DMD: variants seen among roughly 807,000 people sequenced by gnomAD.
DMD encodes the protein dystrophin.
A neutral mutation model predicts 330.1 loss-of-function variants in DMD; 63 were observed. The observed-to-expected ratio is 0.19, with a 90% confidence interval of 0.16 to 0.24. The LOEUF is 0.24. Among genes scored for constraint, DMD ranks in the 10% least tolerant of loss-of-function variants. DMD has a pLI of 1.00. For missense variants in DMD, 3,344 were observed against 2,684.1 expected (o/e 1.25, Z -5.43); for synonymous variants, 1,223 against 959.8 (o/e 1.27, Z -5.07).
intron 47 of DMD, among the ~76,000 whole-genome samples, chrX:31,915,716 G>C (rs1442304431): frequency 5.4e-5 from 6 of 111,799 alleles, no homozygotes; most frequent in Non-Finnish European, 1.1e-4. Context: ...TGACCCTCTA[G>C]ACTATTGGCT....
intron 60 of DMD, among the ~76,000 whole-genome samples, chrX:31,362,988 T>C (rs1260224742): frequency 9.0e-6 from 1 of 111,328 alleles, no homozygotes; most frequent in East Asian, 2.8e-4. Flanking sequence ...AACAACAGAG[T>C]AAACTTCCAG....
chrX:31,481,730 C>T (rs183602037), intron 57 of DMD, among the ~76,000 whole-genome samples: 4 of 111,833 alleles, frequency 3.6e-5, no homozygotes, highest in Non-Finnish European at 5.6e-5. Flanking sequence ...GAGGGTCAAA[C>T]GGTTATAGCT....
intron 55 of DMD, among the ~76,000 whole-genome samples, chrX:31,626,301 T>C (rs1285722934): frequency 1.8e-5 from 2 of 111,893 alleles, no homozygotes; most frequent in African/African-American, 3.2e-5. Context: ...CCCACATATC[T>C]ATTAAAATTC....
At chrX:32,894,110 G>T (rs940317401) in intron 2 of DMD, among the ~76,000 whole-genome samples, 2 of 111,838 alleles carry the variant, frequency 1.8e-5, no homozygotes, top group African/African-American at 6.5e-5. Flanking sequence ...ATGACCATGA[G>T]AATTAATGCT....
chrX:31,288,048 C>G lies in DMD; in HGVS notation c.9225-27032G>C, dbSNP rs369600794. Among the ~76,000 whole-genome samples the G allele has an allele frequency of 1.3e-3, 147 of 111,440 alleles. 2 individuals are homozygous for G. In the South Asian group the frequency reaches 0.056, roughly 43 times the overall value. ...AAAGACAGATCAGTAAGCAGTCTCCCAAGCCAATTGACTGTGTGCCAATTC... is the reference window on the plus strand; with the variant it reads ...AAAGACAGATCAGTAAGCAGTCTCCGAAGCCAATTGACTGTGTGCCAATTC... On this transcript the variant is annotated intron_variant, in intron 62 of 78. Coordinates refer to ENST00000357033, the MANE Select transcript of DMD (RefSeq NM_004006.3).
chrX:32,474,194 TATACATAC>T (rs1289516020), intron 21 of DMD, among the ~76,000 whole-genome samples: 6 of 42,076 alleles, frequency 1.4e-4, no homozygotes, highest in East Asian at 2.7e-3. Context: ...TTCCATCATA[TATACATAC>T]ATACATACAC....
rs1313897024 is a variant in DMD at position 31,204,117 on chromosome X, G to A, written c.9651C>T (p.Tyr3217=). 8.3e-7 allele frequency: 1 copy of A among 1,210,311 alleles called. No individual in the cohort carries two copies. The highest frequency in any genetic ancestry group is 1.8e-5 in the South Asian group (1 of 56,767). Residue 3217 remains tyrosine (Y), a splice_region_variant and synonymous_variant, in exon 67 of 79, where the codon TAC becomes TAT. Transcript: ENST00000357033. ...TTGAACTTGCCACTTGCTTGAAAAG[G>A]TCTACAAAGGAAGAAGAAAATTGCA... ...CKAHLEDKYR[Y]LFKQVASSTG...
At chrX:31,691,396 C>T (rs1412167242) in intron 52 of DMD, among the ~76,000 whole-genome samples, 5 of 111,245 alleles carry the variant, frequency 4.5e-5, no homozygotes, top group Non-Finnish European at 7.5e-5. Context: ...AACCAGGAAA[C>T]AATGAACAAA....
intron 15 of DMD, among the ~76,000 whole-genome samples, chrX:32,572,384 A>G (rs1000546610): frequency 9.0e-5 from 10 of 111,482 alleles, no homozygotes; most frequent in Admixed American, 7.7e-4. Flanking sequence ...ACTTACAACC[A>G]TTTTGTTTTA....
intron 44 of DMD, among the ~76,000 whole-genome samples, chrX:32,160,110 T>C: frequency 8.9e-6 from 1 of 111,911 alleles, no homozygotes; most frequent in Admixed American, 9.5e-5. Flanking sequence ...ATGCCAAGCA[T>C]TGACCTTAGA....
At chrX:31,171,504 C>G in intron 73 of DMD, among the ~76,000 whole-genome samples, 1 of 109,187 alleles carries the variant, frequency 9.2e-6, no homozygotes, top group South Asian at 3.9e-4. Context: ...AAAAAGGCAT[C>G]GTAATACTTT....
intron 2 of DMD, among the ~76,000 whole-genome samples, chrX:32,941,705 T>C: frequency 9.0e-6 from 1 of 110,868 alleles, no homozygotes; most frequent in Non-Finnish European, 1.9e-5. Flanking sequence ...TTGGGTACTA[T>C]ACTCAGTACC....
chrX:32,651,506 A>G (rs773530256), intron 9 of DMD, among the ~76,000 whole-genome samples: 7 of 111,831 alleles, frequency 6.3e-5, no homozygotes, highest in Non-Finnish European at 1.1e-4. Context: ...AATTCAATCA[A>G]TGGTTTGGAA....
chrX:31,774,261 G>A (rs2090523239), intron 50 of DMD, 69 bp from the exon 51 acceptor site: 6 of 762,816 alleles, frequency 7.9e-6, no homozygotes, highest in Non-Finnish European at 9.8e-6. Context: ...ACAAGCTAAA[G>A]AGCCAATTTC....
At chrX:31,876,347 T>A (rs1389395472) in intron 47 of DMD, among the ~76,000 whole-genome samples, 2 of 112,158 alleles carry the variant, frequency 1.8e-5, no homozygotes, top group Non-Finnish European at 3.8e-5. Context: ...CTGGTTCTAG[T>A]TCTTGCCTAA....
intron 6 of DMD, among the ~76,000 whole-genome samples, chrX:32,812,193 G>A (rs1472044044): frequency 2.7e-5 from 3 of 111,567 alleles, no homozygotes; most frequent in Non-Finnish European, 5.6e-5. Flanking sequence ...TCTGTGAACA[G>A]AGTCTACATA....
chrX:33,231,215 AAGT>A, intron 1 of DMD, among the ~76,000 whole-genome samples: 1 of 111,598 alleles, frequency 9.0e-6, no homozygotes, highest in East Asian at 2.8e-4. Flanking sequence ...GGCTCTTAGA[AAGT>A]AGGGCACATT....
intron 44 of DMD, among the ~76,000 whole-genome samples, chrX:32,132,993 CTTTTTTTTTTTTTTTTTTTT>C (rs377615262): frequency 1.3e-5 from 1 of 76,010 alleles, no homozygotes; most frequent in Non-Finnish European, 2.2e-5. Flanking sequence ...CTTTTCTTTT[CTTTTTTTTTTTTTTTTTTTT>C]TTTTTTTTTT....
At chrX:32,870,958 CAAAAAAAAAA>C (rs745583714) in intron 2 of DMD, among the ~76,000 whole-genome samples, 8 of 14,770 alleles carry the variant, frequency 5.4e-4, no homozygotes, top group Admixed American at 1.9e-3. Flanking sequence ...TTCTGTACAG[CAAAAAAAAAA>C]AAAAAAAAAA....
Sources: gnomAD v4.1 joint callset for allele counts (sites outside exome capture counted in the v4.1 genomes callset) on GRCh38, gnomAD v4.1.1 for gene constraint, MANE v1.5 for transcripts, NCBI Gene and HGNC (gene_info 2026-07-23, HGNC 2026-07-21) for gene names.